FSD2: variants seen among roughly 807,000 people sequenced by gnomAD.
FSD2 encodes fibronectin type III and SPRY domain-containing protein 2.
FSD2 carries 71 observed loss-of-function variants against 80.4 expected under a neutral mutation model. That is an observed-to-expected ratio of 0.88 (90% CI 0.73 to 1.08). FSD2 has a LOEUF of 1.08. FSD2 is among the 50% of genes least tolerant of loss of function. The pLI, the probability that FSD2 is intolerant of heterozygous loss-of-function variation, is 0.00. For missense variants in FSD2, 923 were observed against 913.8 expected (o/e 1.01, Z -0.13); for synonymous variants, 361 against 329.5 (o/e 1.10, Z -1.03).
chr15:82,765,041 C>T, intron 11 of FSD2, 125 bp downstream of exon 11: 1 of 1,199,928 alleles, frequency 8.3e-7, no homozygotes, highest in Non-Finnish European at 1.1e-6. Context: ...GCTCCTCCCT[C>T]CTCACTCATT....
Position 82,755,917 on chromosome 15 carries a change from T to G in FSD2, c.*3431A>C, listed in dbSNP as rs2049165518. 2.0e-6 allele frequency: 1 copy of G among 497,548 alleles called. No individual in the cohort carries two copies. Among genetic ancestry groups the G allele is most frequent in the African/African-American group, 1.9e-5 (1 of 51,322 alleles). The allele number at this position is 497,548 out of a possible 1,614,324, so 30.8% of individuals were successfully genotyped here. A position where few individuals can be genotyped will look rare whatever the true frequency, so the allele number is the denominator to read the frequency against. ...ATCTTGACTTGTTAAAGGACAGTGT[T>G]TTAAAAGCTGGATTTGGTTATGTTC... On this transcript the variant is annotated 3_prime_UTR_variant, in exon 13 of 13. Coordinates refer to ENST00000334574, the MANE Select transcript of FSD2 (RefSeq NM_001007122.4).
At chr15:82,773,476 G>A (rs1173280839) in intron 6 of FSD2, among the ~76,000 whole-genome samples, 3 of 152,164 alleles carry the variant, frequency 2.0e-5, no homozygotes, top group Non-Finnish European at 2.9e-5. Context: ...CCCTCAGGAA[G>A]CACTAGATGC....
intron 4 of FSD2, among the ~76,000 whole-genome samples, chr15:82,782,413 CA>C (rs2049888415): frequency 6.6e-6 from 1 of 152,060 alleles, no homozygotes; most frequent in Admixed American, 6.6e-5. Context: ...AAAACCAAAC[CA>C]AAACAAAACA....
At chr15:82,772,026 C>A (rs770860461) in intron 7 of FSD2, 47 bp downstream of exon 7, 2 of 1,497,578 alleles carry the variant, frequency 1.3e-6, no homozygotes, top group Admixed American at 5.1e-5. Flanking sequence ...CCCTGAGGGG[C>A]CTGAACTGTT....
At chr15:82,770,462 G>A (rs1275572644) in intron 7 of FSD2, among the ~76,000 whole-genome samples, 5 of 152,216 alleles carry the variant, frequency 3.3e-5, no homozygotes, top group Admixed American at 3.3e-4. Flanking sequence ...ACTAGGTCAG[G>A]AGATCGAGAC....
intron 4 of FSD2, 86 bp downstream of exon 4, chr15:82,782,709 G>T: frequency 1.8e-6 from 2 of 1,140,998 alleles, no homozygotes; most frequent in Non-Finnish European, 2.6e-6. Flanking sequence ...GGACAACCTA[G>T]CTTACCTCAA....
In FSD2 at chr15:82,765,259, C is replaced by T; in HGVS notation, c.1727G>A (p.Trp576Ter). 6.2e-7 allele frequency: 1 copy of T among 1,613,168 alleles called. No homozygotes were observed. The highest frequency in any genetic ancestry group is 8.5e-7 in the Non-Finnish European group (1 of 1,179,586). Residue 576 changes from tryptophan to a stop codon, truncating the protein, a stop_gained, in exon 11 of 13, where the codon TGG becomes TAG. Transcript: ENST00000334574. LOFTEE classifies it high-confidence loss of function. ...AAGTCCGTCTTCAGAAATGGTCAGC[C>T]AGGGATGGCAAGTGTCCTTGTTTAG... ...FRLNKDTCHP[W>*]LTISEDGLTA...
rs186066201 is a variant in FSD2, at chr15:82,787,663, G to T, written c.-78-195C>A. 6.1e-3 allele frequency among the ~76,000 whole-genome samples: 922 copies of T among 151,550 alleles called. 5 individuals carry two copies. Among genetic ancestry groups the T allele is most frequent in the South Asian group, 0.03 (146 of 4,804 alleles). The stretch of plus-strand genomic sequence containing the variant: ...CTTTCTAAGGTTAAAAGAGACAAAA[G>T]AAATTACAAAAGAAATGTCTAATAG... On this transcript the variant is annotated intron_variant, in intron 1 of 12. Coordinates refer to ENST00000334574, the MANE Select transcript of FSD2 (RefSeq NM_001007122.4).
intron 4 of FSD2, among the ~76,000 whole-genome samples, chr15:82,781,850 A>C (rs1461381802): frequency 6.9e-6 from 1 of 144,836 alleles, no homozygotes; most frequent in Non-Finnish European, 1.5e-5. Flanking sequence ...ACGAGGTCAG[A>C]GGTTCGAGAC....
At chr15:82,794,305 T>C (rs1023720314) in intron 1 of FSD2, among the ~76,000 whole-genome samples, 2 of 152,212 alleles carry the variant, frequency 1.3e-5, no homozygotes, top group Non-Finnish European at 2.9e-5. Context: ...CCTTGTGTTA[T>C]TGATTTCTAT....
chr15:82,759,357 A>G lies in FSD2; in HGVS notation c.2241T>C (p.Thr747=), dbSNP rs368720586. 1.2e-5 allele frequency: 20 copies of G among 1,613,038 alleles called. No homozygotes were observed. In the African/African-American group the frequency reaches 2.4e-4, roughly 19 times the overall value. ...TGGACATCAGAATGTTCTAATAGAAAGTGACATGTTTTGGCATTGAAATGC... is the reference window on the plus strand; with the variant it reads ...TGGACATCAGAATGTTCTAATAGAAGGTGACATGTTTTGGCATTGAAATGC... ...HNGISMPKHV[T]FY is the part of the protein sequence containing the mutation. Residue 747 remains threonine (T), a synonymous_variant, in exon 13 of 13, where the codon ACT becomes ACC. Coordinates refer to ENST00000334574, the MANE Select transcript of FSD2 (RefSeq NM_001007122.4).
intron 1 of FSD2, among the ~76,000 whole-genome samples, chr15:82,802,228 G>A (rs1352714355): frequency 6.6e-6 from 1 of 152,182 alleles, no homozygotes; most frequent in East Asian, 1.9e-4. Flanking sequence ...CCAGTGCTGA[G>A]CTGGACCAGC....
At chr15:82,777,391 T>G (rs1480905470) in intron 6 of FSD2, among the ~76,000 whole-genome samples, 6 of 151,954 alleles carry the variant, frequency 3.9e-5, no homozygotes, top group African/African-American at 1.5e-4. Flanking sequence ...CCAAACCGAT[T>G]AAAAAATGGG....
chr15:82,794,689 T>C (rs2050220198), intron 1 of FSD2, among the ~76,000 whole-genome samples: 1 of 152,084 alleles, frequency 6.6e-6, no homozygotes, highest in Non-Finnish European at 1.5e-5. Flanking sequence ...CATATACATA[T>C]GTAATTGTCA....
In FSD2 at chr15:82,768,904, C is replaced by G; in HGVS notation, c.1529G>C (p.Ser510Thr). 6.4e-7 allele frequency: 1 copy of G among 1,572,520 alleles called. No individual in the cohort carries two copies. Among genetic ancestry groups the G allele is most frequent in the Non-Finnish European group, 8.6e-7 (1 of 1,161,356 alleles). ...CTCAGTTACACCCGAGGCTTCTGGA[C>G]TTTCAGCCTGGGTCAGCTCCACAGT... Reference protein sequence around the residue: ...SYTVELTQAESPEASGVTESV... With the variant: ...SYTVELTQAETPEASGVTESV... The change falls in exon 9 of 13, where the codon AGT becomes ACT. Residue 510 changes from serine to threonine, a missense_variant. Transcript: ENST00000334574.
At chr15:82,793,609 A>G (rs1415867050) in intron 1 of FSD2, among the ~76,000 whole-genome samples, 1 of 152,206 alleles carries the variant, frequency 6.6e-6, no homozygotes, top group African/African-American at 2.4e-5. Context: ...ATATAGCGTA[A>G]GTAGCAATGG....
At chr15:82,764,365 A>G (rs1256614344) in intron 11 of FSD2, among the ~76,000 whole-genome samples, 3 of 152,132 alleles carry the variant, frequency 2.0e-5, no homozygotes, top group African/African-American at 7.2e-5. Context: ...GAACCTCTAG[A>G]GGATATTTAA....
intron 6 of FSD2, among the ~76,000 whole-genome samples, chr15:82,772,646 G>A (rs747543153): frequency 2.0e-5 from 3 of 152,188 alleles, no homozygotes; most frequent in Non-Finnish European, 2.9e-5. Flanking sequence ...GGGAAAGGGG[G>A]CATCCAGGGA....
At chr15:82,799,529 A>T in intron 1 of FSD2, among the ~76,000 whole-genome samples, 1 of 152,296 alleles carries the variant, frequency 6.6e-6, no homozygotes, top group East Asian at 1.9e-4. Context: ...TGCCCCATGC[A>T]GAGGCAGAGG....
Sources: allele counts gnomAD v4.1 joint callset (sites outside exome capture counted in the v4.1 genomes callset), GRCh38; gene constraint gnomAD v4.1.1; transcripts MANE v1.5; gene names NCBI Gene and HGNC (gene_info 2026-07-23, HGNC 2026-07-21).